Variants in CREB1 observed in about 807,000 individuals in gnomAD.
CREB1 encodes cyclic AMP-responsive element-binding protein 1.
Under a neutral mutation model 42.0 loss-of-function variants are expected in CREB1, and 2 were observed. The observed-to-expected ratio is 0.05, with a 90% confidence interval of 0.02 to 0.15. CREB1 has a LOEUF of 0.15. CREB1 is among the 10% of genes least tolerant of loss of function. CREB1 has a pLI of 1.00. For synonymous variants in CREB1, 123 were observed against 139.9 expected (o/e 0.88, Z 0.85); for missense variants, 199 against 388.9 (o/e 0.51, Z 4.11).
Position 207,575,964 on chromosome 2 carries a change from C to CTTCTGAGA in CREB1, c.688+512_688+519dup, listed in dbSNP as rs1220324432. On this transcript the variant is annotated intron_variant, in intron 6 of 7. Transcript: ENST00000353267. ...CCCCCCCCCCAAAAGAAATTTAAATCTTCTGAGATCATCAGTTTTTATTAT... is the reference window on the plus strand; with the variant it reads ...CCCCCCCCCCAAAAGAAATTTAAATCTTCTGAGATTCTGAGATCATCAGTTTTTATTAT... Among the ~76,000 whole-genome samples, 22 of 100,892 alleles carry CTTCTGAGA rather than the reference C, an allele frequency of 2.2e-4. No individual in the cohort carries two copies. In the East Asian group the frequency reaches 5.5e-3, roughly 25 times the overall value. The allele number at this position is 100,892 out of a possible 152,430, so 66.2% of individuals were successfully genotyped here.
At chr2:207,580,244 G>A (rs1574896270) in intron 7 of CREB1, among the ~76,000 whole-genome samples, 1 of 152,114 alleles carries the variant, frequency 6.6e-6, no homozygotes, top group South Asian at 2.1e-4. Context: ...ACCAAAACCT[G>A]TAAACATGCT....
chr2:207,568,649 A>C (rs750017335), intron 4 of CREB1, among the ~76,000 whole-genome samples: 2 of 152,188 alleles, frequency 1.3e-5, no homozygotes, highest in Admixed American at 6.5e-5. Context: ...ATTTTTGACA[A>C]TAGCATAAAG....
intron 3 of CREB1, chr2:207,561,204 G>T (rs2081944686): frequency 6.7e-7 from 1 of 1,493,740 alleles, no homozygotes; most frequent in East Asian, 2.3e-5. Context: ...TTATTAGAAA[G>T]GAAGGTGAGA....
At chr2:207,535,080 T>A (rs2080814144) in intron 1 of CREB1, among the ~76,000 whole-genome samples, 1 of 152,242 alleles carries the variant, frequency 6.6e-6, no homozygotes, top group Admixed American at 6.5e-5. Flanking sequence ...AGGTCTTATA[T>A]TACCTTTTAA....
chr2:207,542,693 TTG>T (rs1175822598), intron 1 of CREB1, among the ~76,000 whole-genome samples: 1 of 152,200 alleles, frequency 6.6e-6, no homozygotes, highest in Non-Finnish European at 1.5e-5. Flanking sequence ...CTTTTCTTGT[TTG>T]TGTTTTGGTG....
chr2:207,557,780 A>AT (rs1234452106), intron 2 of CREB1, among the ~76,000 whole-genome samples: 54 of 152,290 alleles, frequency 3.5e-4, no homozygotes, highest in African/African-American at 1.2e-3. Flanking sequence ...TTTTTATTTT[A>AT]TTTTTTATAT....
chr2:207,540,960 C>A (rs1174873377), intron 1 of CREB1, among the ~76,000 whole-genome samples: 1 of 152,166 alleles, frequency 6.6e-6, no homozygotes, highest in Admixed American at 6.5e-5. Context: ...TGGCTCACAC[C>A]TGTAATCCCA....
intron 7 of CREB1, among the ~76,000 whole-genome samples, chr2:207,591,640 C>T (rs1473564295): frequency 6.6e-6 from 1 of 152,154 alleles, no homozygotes; most frequent in Non-Finnish European, 1.5e-5. Context: ...GCCATGTTGG[C>T]CAGGCTGGTC....
At position 207,597,939 on chromosome 2, in the gene CREB1, T is replaced by C. The variant is rs560484267; in HGVS notation, c.*881T>C. 1.2e-3 allele frequency: 231 copies of C among 185,452 alleles called. 1 individual carries two copies. The highest frequency in any genetic ancestry group is 5.0e-3 in the African/African-American group (216 of 42,804). 11.5% of individuals were successfully genotyped at this position (185,452 alleles called of 1,614,324 possible). A position where few individuals can be genotyped will look rare whatever the true frequency, so the allele number is the denominator to read the frequency against. Reference sequence around the variant, plus strand: ...TAACAAGATTTTTAAATAAATGTTATTGTCCTCACCTTCAAAAATATTTAT... The same window carrying C: ...TAACAAGATTTTTAAATAAATGTTACTGTCCTCACCTTCAAAAATATTTAT... On this transcript the variant is annotated 3_prime_UTR_variant, in exon 8 of 8. Transcript: ENST00000353267.
chr2:207,594,520 G>A lies in CREB1; in HGVS notation c.840-2394G>A, dbSNP rs1237383942. Among the ~76,000 whole-genome samples, 2 of 152,086 alleles carry A rather than the reference G, an allele frequency of 1.3e-5. 1 individual carries two copies. The highest frequency in any genetic ancestry group is 4.8e-5 in the African/African-American group (2 of 41,418). The stretch of plus-strand genomic sequence containing the variant: ...GCTTGTGTCAGCATAATGCCCTCAA[G>A]GTTCATCTACGTTTTGGCATGCAGA... On this transcript the variant is annotated intron_variant, in intron 7 of 7. Transcript: ENST00000353267.
intron 7 of CREB1, among the ~76,000 whole-genome samples, chr2:207,589,994 G>A (rs1379336468): frequency 6.6e-6 from 1 of 150,430 alleles, no homozygotes; most frequent in Non-Finnish European, 1.5e-5. Context: ...TTCTGGAAGA[G>A]ATTATAATAT....
chr2:207,595,779 G>T (rs1448435118), intron 7 of CREB1, among the ~76,000 whole-genome samples: 1 of 151,940 alleles, frequency 6.6e-6, no homozygotes, highest in African/African-American at 2.4e-5. Context: ...ATATTGCCCA[G>T]GCTGTTCTTG....
chr2:207,537,838 G>A (rs1339367128), intron 1 of CREB1, among the ~76,000 whole-genome samples: 1 of 152,110 alleles, frequency 6.6e-6, no homozygotes, highest in Non-Finnish European at 1.5e-5. Context: ...GCCCTATGAA[G>A]ATAGGTTTTA....
chr2:207,574,863 G>A (rs562329231), intron 5 of CREB1, among the ~76,000 whole-genome samples: 1 of 152,152 alleles, frequency 6.6e-6, no homozygotes, highest in Non-Finnish European at 1.5e-5. Context: ...TGTGCTAAGT[G>A]TATGAAAGTA....
intron 1 of CREB1, among the ~76,000 whole-genome samples, chr2:207,541,017 C>T (rs1007881872): frequency 1.3e-5 from 2 of 152,094 alleles, no homozygotes; most frequent in African/African-American, 4.8e-5. Context: ...GTTAGAAGTT[C>T]GAGACCAGCC....
intron 1 of CREB1, among the ~76,000 whole-genome samples, chr2:207,540,909 A>G (rs2081075871): frequency 6.6e-6 from 1 of 152,058 alleles, no homozygotes; most frequent in Non-Finnish European, 1.5e-5. Flanking sequence ...ATGAAAGAAA[A>G]TTTTGTTTAT....
chr2:207,575,807 T>A (rs938512768), intron 6 of CREB1, among the ~76,000 whole-genome samples: 2 of 152,074 alleles, frequency 1.3e-5, no homozygotes, highest in Non-Finnish European at 2.9e-5. Context: ...AAAAGTCAGC[T>A]GCTCTGAGCC....
intron 3 of CREB1, among the ~76,000 whole-genome samples, chr2:207,563,572 T>C (rs1278602619): frequency 1.3e-5 from 2 of 152,206 alleles, no homozygotes; most frequent in Non-Finnish European, 2.9e-5. Flanking sequence ...TGAAGTTTTC[T>C]TTTTCAATGC....
intron 6 of CREB1, 74 bp downstream of exon 6, chr2:207,575,528 T>G: frequency 7.6e-7 from 1 of 1,308,926 alleles, no homozygotes; most frequent in South Asian, 1.6e-5. Context: ...ACAGAAAAAG[T>G]AAGTATCATA....
Sources: gnomAD v4.1 joint callset for allele counts (sites outside exome capture counted in the v4.1 genomes callset) on GRCh38, gnomAD v4.1.1 for gene constraint, MANE v1.5 for transcripts, NCBI Gene and HGNC (gene_info 2026-07-23, HGNC 2026-07-21) for gene names.